DST: variants seen among roughly 807,000 people sequenced by gnomAD.
The protein encoded by DST is bullous pemphigoid antigen.
In DST, 253 loss-of-function variants were observed where a neutral mutation model predicts 875.2. The ratio of observed to expected loss-of-function variants is 0.29; its 90% CI spans 0.26 to 0.32. The LOEUF (loss-of-function observed/expected upper bound fraction) is 0.32, where lower values mean the gene tolerates loss of function less well. Among genes scored for constraint, DST ranks in the 10% least tolerant of loss-of-function variants. DST has a pLI of 1.00. For missense variants in DST, 8,287 were observed against 9,111.6 expected (o/e 0.91, Z 3.68); for synonymous variants, 3,124 against 3,197.1 (o/e 0.98, Z 0.77).
At chr6:56,880,765 G>A (rs1331932337) in intron 3 of DST, among the ~76,000 whole-genome samples, 3 of 148,140 alleles carry the variant, frequency 2.0e-5, no homozygotes, top group African/African-American at 7.4e-5. Context: ...CATAATTAGT[G>A]AAAGAGATAT....
At chr6:56,804,522 C>T (rs2099750932) in intron 4 of DST, among the ~76,000 whole-genome samples, 1 of 152,078 alleles carries the variant, frequency 6.6e-6, no homozygotes. Flanking sequence ...CCTCTTTTGA[C>T]AATTAAAATC....
At chr6:56,655,540 C>T (rs1265079823) in intron 10 of DST, among the ~76,000 whole-genome samples, 1 of 152,040 alleles carries the variant, frequency 6.6e-6, no homozygotes, top group African/African-American at 2.4e-5. Flanking sequence ...AGCTGGCACT[C>T]AATAATTATT....
At chr6:56,835,266 C>A (rs1321151617) in intron 4 of DST, among the ~76,000 whole-genome samples, 1 of 152,152 alleles carries the variant, frequency 6.6e-6, no homozygotes, top group Middle Eastern at 3.2e-3. Context: ...CAATAATAGA[C>A]ACATGATATT....
At chr6:56,620,783 G>A in intron 36 of DST, 1 of 1,405,744 alleles carries the variant, frequency 7.1e-7, no homozygotes, top group African/African-American at 1.4e-5. Context: ...ATGAATCAAT[G>A]TTCATAAAAG....
chr6:56,521,601 GAAAA>G (rs10547460), intron 69 of DST, among the ~76,000 whole-genome samples: 43,250 of 92,178 alleles, frequency 0.47, 6,808 homozygotes, highest in Admixed American at 0.53. Flanking sequence ...CTCTGCTAAG[GAAAA>G]AAAAAAAAAA....
At chr6:56,566,938 G>A (rs1439150325) in intron 55 of DST, among the ~76,000 whole-genome samples, 3 of 152,190 alleles carry the variant, frequency 2.0e-5, no homozygotes, top group Non-Finnish European at 4.4e-5. Context: ...AGAGCATGGT[G>A]GTTAGGAGTA....
intron 80 of DST, 76 bp downstream of exon 80, chr6:56,501,004 A>T: frequency 7.0e-7 from 1 of 1,433,438 alleles, no homozygotes; most frequent in Non-Finnish European, 9.4e-7. Flanking sequence ...CGCATAAAGA[A>T]GAAATATATC....
chr6:56,563,850 T>G (rs2152570472), intron 55 of DST, among the ~76,000 whole-genome samples: 1 of 152,358 alleles, frequency 6.6e-6, no homozygotes, highest in East Asian at 1.9e-4. Flanking sequence ...CTTCCCCCAT[T>G]GCTTTTGTCA....
chr6:56,937,070 C>A (rs1461309270), intron 2 of DST, among the ~76,000 whole-genome samples: 2 of 151,200 alleles, frequency 1.3e-5, no homozygotes, highest in East Asian at 3.9e-4. Context: ...AACTAAATTG[C>A]CTTGAAAAAA....
chr6:56,632,632 A>T (rs1400088953), intron 28 of DST, among the ~76,000 whole-genome samples: 2 of 152,252 alleles, frequency 1.3e-5, no homozygotes, highest in Admixed American at 6.5e-5. Flanking sequence ...TGTTTGTCCA[A>T]CCAGTTGGTT....
chr6:56,897,588 C>T (rs1170138210), intron 3 of DST, among the ~76,000 whole-genome samples: 1 of 152,084 alleles, frequency 6.6e-6, no homozygotes, highest in Non-Finnish European at 1.5e-5. Context: ...ACCTTGGTAT[C>T]CCAAGGTGCT....
chr6:56,594,234 G>A lies in DST; in HGVS notation c.12196-41C>T, dbSNP rs376679774. The stretch of plus-strand genomic sequence containing the variant: ...TTGATCATAATCTTCAAGCAGTAAC[G>A]GGGTAACACCTGCAGGGAGCTCCTT... On this transcript the variant is annotated intron_variant, in intron 47 of 103. Transcript: ENST00000680361. The A allele has an allele frequency of 1.3e-5, 20 of 1,482,844 alleles. No homozygotes were observed. In the African/African-American group the frequency reaches 1.7e-4, roughly 12 times the overall value. 91.9% of individuals were successfully genotyped at this position (1,482,844 alleles called of 1,614,324 possible). A position where few individuals can be genotyped will look rare whatever the true frequency, so the allele number is the denominator to read the frequency against.
At chr6:56,673,073 A>G (rs1160329017) in intron 9 of DST, among the ~76,000 whole-genome samples, 1 of 151,960 alleles carries the variant, frequency 6.6e-6, no homozygotes, top group East Asian at 1.9e-4. Context: ...TGGGCAACAT[A>G]GTGAGACCCT....
chr6:56,585,386 G>T (rs2098126292), intron 49 of DST, among the ~76,000 whole-genome samples: 1 of 152,180 alleles, frequency 6.6e-6, no homozygotes, highest in Non-Finnish European at 1.5e-5. Context: ...TTGCGTAGAG[G>T]TGTTTGTAGT....
intron 2 of DST, among the ~76,000 whole-genome samples, chr6:56,909,172 T>C (rs895332452): frequency 6.6e-6 from 1 of 152,222 alleles, no homozygotes; most frequent in Admixed American, 6.5e-5. Flanking sequence ...AAAGTACCTA[T>C]GCTGCTGTCA....
chr6:56,899,604 T>C (rs1793066772), intron 3 of DST, among the ~76,000 whole-genome samples: 1 of 152,166 alleles, frequency 6.6e-6, no homozygotes, highest in Non-Finnish European at 1.5e-5. Flanking sequence ...CCCCACAGCA[T>C]AGAGATGAGC....
At position 56,634,636 on chromosome 6, in the gene DST, A is replaced by C; in HGVS notation, c.3340-20T>G. The stretch of plus-strand genomic sequence containing the variant: ...GGTTATCTGGTTTAAAATAAAGAGC[A>C]GAATAACTCAATGAGGTCACTGTTA... On this transcript the variant is annotated intron_variant, in intron 25 of 103. Coordinates refer to ENST00000680361, the MANE Select transcript of DST (RefSeq NM_001374736.1). The C allele has an allele frequency of 6.2e-7, 1 of 1,613,982 alleles. No homozygotes were observed. The highest frequency in any genetic ancestry group is 1.1e-5 in the South Asian group (1 of 91,070).
chr6:56,578,905 A>T lies in DST; in HGVS notation c.12936T>A (p.Val4312=). 5 of 1,603,546 alleles carry T rather than the reference A, an allele frequency of 3.1e-6. No homozygotes were observed. The highest frequency in any genetic ancestry group is 4.3e-6 in the Non-Finnish European group (5 of 1,174,610). ...ALQGQISSQQ[V]AVEKLKKTAE... ...CCGTTTTCTTCAGTTTCTCTACAGC[A>T]ACCTGCTGACTTGATATCTGTCCTT... is the stretch of plus-strand genomic sequence containing the variant. The change falls in exon 50 of 104, where the codon GTT becomes GTA. Residue 4312 remains valine, a synonymous_variant. Transcript: ENST00000680361.
chr6:56,581,049 A>AT (rs1413319556), intron 49 of DST, among the ~76,000 whole-genome samples: 1 of 91,410 alleles, frequency 1.1e-5, no homozygotes, highest in Admixed American at 1.3e-4. Context: ...AGTGGCATTT[A>AT]TTAAAAAAAA....
Sources: allele counts gnomAD v4.1 joint callset (sites outside exome capture counted in the v4.1 genomes callset), GRCh38; gene constraint gnomAD v4.1.1; transcripts MANE v1.5; gene names NCBI Gene and HGNC (gene_info 2026-07-23, HGNC 2026-07-21).